The following CSMD3 variants were observed in gnomAD, a reference collection of about 807,000 sequenced individuals.
The protein encoded by CSMD3 is CUB and sushi domain-containing protein 3.
A neutral mutation model predicts 435.2 loss-of-function variants in CSMD3; 177 were observed. That is an observed-to-expected ratio of 0.41 (90% CI 0.36 to 0.46). CSMD3 has a LOEUF of 0.46. Ranked by LOEUF, CSMD3 falls within the 20% of genes least tolerant of loss-of-function variation. The pLI is 0.34. For synonymous variants in CSMD3, 1,656 were observed against 1,520.5 expected (o/e 1.09, Z -2.07); for missense variants, 4,265 against 4,504.6 (o/e 0.95, Z 1.52).
At chr8:113,260,420 CTA>C (rs2093417511) in intron 3 of CSMD3, among the ~76,000 whole-genome samples, 2 of 152,078 alleles carry the variant, frequency 1.3e-5, no homozygotes, top group East Asian at 3.8e-4. Flanking sequence ...TAAAAAGTCA[CTA>C]TGTGTGGGGG....
At chr8:112,861,307 G>A (rs1292287507) in intron 10 of CSMD3, among the ~76,000 whole-genome samples, 1 of 151,822 alleles carries the variant, frequency 6.6e-6, no homozygotes, top group East Asian at 1.9e-4. Context: ...CTGCATGAAA[G>A]CTTGGTATCT....
intron 12 of CSMD3, among the ~76,000 whole-genome samples, chr8:112,811,355 G>A (rs1248916902): frequency 6.6e-6 from 1 of 151,926 alleles, no homozygotes; most frequent in African/African-American, 2.4e-5. Flanking sequence ...ACCTAAAGTT[G>A]TAGATGCTTT....
At chr8:113,145,281 T>C (rs1278477931) in intron 4 of CSMD3, among the ~76,000 whole-genome samples, 1 of 151,572 alleles carries the variant, frequency 6.6e-6, no homozygotes, top group African/African-American at 2.4e-5. Flanking sequence ...GTGTTTGAGA[T>C]GTAGTGGCCT....
intron 17 of CSMD3, among the ~76,000 whole-genome samples, chr8:112,663,078 C>T (rs993905049): frequency 1.2e-4 from 18 of 151,508 alleles, no homozygotes; most frequent in South Asian, 4.2e-4. Flanking sequence ...CTGTTGGTGG[C>T]GACTCCTCAG....
At position 112,975,886 on chromosome 8, in the gene CSMD3, A is replaced by C; in HGVS notation, c.1293T>G (p.His431Gln). ...CTTTAGTTCTTTCTATCTGTTCAGC[A>C]TGTCTTGGTCTTCTCCTGGTACTTT... The part of the protein sequence containing the change: ...DTQSTRRRPR[H>Q]AEQIERTKEL... Residue 431 changes from histidine to glutamine, a missense_variant, in exon 7 of 71, where the codon CAT becomes CAG. His to Gln is a conservative substitution (Grantham distance 24, BLOSUM62 0). Around this residue, in one of 3 missense-constraint regions of CSMD3, gnomAD observed 731 missense variants for 755.4 expected, o/e 0.97. Transcript: ENST00000297405. 6.2e-7 allele frequency: 1 copy of C among 1,613,914 alleles called. No individual in the cohort carries two copies. Among genetic ancestry groups the C allele is most frequent in the Admixed American group, 1.7e-5 (1 of 60,000 alleles).
chr8:113,171,315 C>A (rs1039341258), intron 4 of CSMD3, among the ~76,000 whole-genome samples: 1 of 151,950 alleles, frequency 6.6e-6, no homozygotes, highest in African/African-American at 2.4e-5. Flanking sequence ...AATTATTACT[C>A]TAAGTCCATA....
intron 5 of CSMD3, among the ~76,000 whole-genome samples, chr8:113,046,323 AAAC>A (rs1179787568): frequency 6.7e-6 from 1 of 149,354 alleles, no homozygotes; most frequent in Non-Finnish European, 1.5e-5. Flanking sequence ...AGAAAGAAAC[AAAC>A]AACAACAACA....
intron 4 of CSMD3, among the ~76,000 whole-genome samples, chr8:113,147,511 T>C (rs2091704176): frequency 6.6e-6 from 1 of 151,682 alleles, no homozygotes; most frequent in Non-Finnish European, 1.5e-5. Flanking sequence ...TGTAGGTCTT[T>C]ATGTACTTCA....
intron 32 of CSMD3, among the ~76,000 whole-genome samples, chr8:112,424,154 C>T (rs531881232): frequency 6.6e-5 from 10 of 152,098 alleles, no homozygotes; most frequent in Non-Finnish European, 1.2e-4. Context: ...AGCATCACCT[C>T]CACTCCTCCC....
At chr8:113,029,910 TAA>T (rs1203476533) in intron 5 of CSMD3, among the ~76,000 whole-genome samples, 1 of 150,826 alleles carries the variant, frequency 6.6e-6, no homozygotes, top group Non-Finnish European at 1.5e-5. Context: ...CTAGAACTGA[TAA>T]AAAAAAATTC....
intron 27 of CSMD3, among the ~76,000 whole-genome samples, chr8:112,543,851 GA>G (rs1287986743): frequency 7.9e-5 from 12 of 152,072 alleles, no homozygotes; most frequent in South Asian, 2.1e-4. Flanking sequence ...GACAGATTAA[GA>G]AAATATGGGA....
intron 28 of CSMD3, among the ~76,000 whole-genome samples, chr8:112,510,989 C>T (rs1374615641): frequency 6.6e-6 from 1 of 152,050 alleles, no homozygotes; most frequent in African/African-American, 2.4e-5. Context: ...ACCTTTGGGG[C>T]TCTGAAAATA....
intron 22 of CSMD3, among the ~76,000 whole-genome samples, chr8:112,636,538 T>TTCTATCTATCTATCTA (rs5894094): frequency 5.4e-5 from 8 of 149,334 alleles, no homozygotes; most frequent in Non-Finnish European, 3.0e-5. Flanking sequence ...TCTATCATAT[T>TTCTATCTATCTATCTA]TCTATCTATC....
At chr8:112,732,446 C>T (rs1053672263) in intron 13 of CSMD3, among the ~76,000 whole-genome samples, 21 of 151,944 alleles carry the variant, frequency 1.4e-4, no homozygotes, top group Middle Eastern at 3.4e-3. Flanking sequence ...AAATAGATAT[C>T]GTGGCTGGGT....
rs559447826 is a variant in CSMD3 at position 112,742,422 on chromosome 8, G to A, written c.1973-52372C>T. ...ATCTAGTTAGAAAATCTGTTTTTAAGCCATTAGAGTTCATTCCTTACACAC... is the reference window on the plus strand; with the variant it reads ...ATCTAGTTAGAAAATCTGTTTTTAAACCATTAGAGTTCATTCCTTACACAC... On this transcript the variant is annotated intron_variant, in intron 13 of 70. Coordinates refer to ENST00000297405, the MANE Select transcript of CSMD3 (RefSeq NM_198123.2). Among the ~76,000 whole-genome samples the A allele has an allele frequency of 3.0e-4, 45 of 151,988 alleles. 1 individual carries two copies. The South Asian group carries it at 8.9e-3, about 30-fold the overall frequency.
intron 13 of CSMD3, among the ~76,000 whole-genome samples, chr8:112,716,451 A>G (rs2076730683): frequency 6.6e-6 from 1 of 152,244 alleles, no homozygotes; most frequent in South Asian, 2.1e-4. Context: ...AAAACATTCC[A>G]TGTTCATATA....
intron 12 of CSMD3, among the ~76,000 whole-genome samples, chr8:112,808,128 G>A (rs1296335481): frequency 1.3e-5 from 2 of 152,114 alleles, no homozygotes; most frequent in Non-Finnish European, 2.9e-5. Context: ...TCCCCAACCA[G>A]CTTTCCCAGA....
intron 13 of CSMD3, among the ~76,000 whole-genome samples, chr8:112,769,502 C>A (rs2078059564): frequency 6.6e-6 from 1 of 151,902 alleles, no homozygotes; most frequent in Non-Finnish European, 1.5e-5. Flanking sequence ...CACATTTGCA[C>A]CATCAATTAA....
At chr8:112,900,559 TAGTGCTGGG>T (rs1451692669) in intron 10 of CSMD3, among the ~76,000 whole-genome samples, 1 of 151,274 alleles carries the variant, frequency 6.6e-6, no homozygotes, top group Non-Finnish European at 1.5e-5. Flanking sequence ...TGGCTATCTT[TAGTGCTGGG>T]AGTAAACTGT....
Sources: gnomAD v4.1 joint callset for allele counts (sites outside exome capture counted in the v4.1 genomes callset) on GRCh38, gnomAD v4.1.1 for gene constraint, gnomAD v4.1.1 regional missense constraint, MANE v1.5 for transcripts, NCBI Gene and HGNC (gene_info 2026-07-23, HGNC 2026-07-21) for gene names.